Variants in PMS1 observed in about 807,000 individuals in gnomAD.
PMS1 encodes PMS1 homolog 1, mismatch repair system component.
PMS1 carries 79 observed loss-of-function variants against 93.1 expected under a neutral mutation model. The ratio of observed to expected loss-of-function variants is 0.85; its 90% CI spans 0.71 to 1.02. PMS1 has a LOEUF of 1.02. Ranked by LOEUF, PMS1 falls within the 50% of genes least tolerant of loss-of-function variation. The pLI is 0.00. For missense variants in PMS1, 1,064 were observed against 1,085.3 expected (o/e 0.98, Z 0.28); for synonymous variants, 335 against 363.4 (o/e 0.92, Z 0.89).
rs527709363 is a variant in PMS1 at position 189,826,929 on chromosome 2, T to A, written c.582+8749T>A. Among the ~76,000 whole-genome samples the A allele has an allele frequency of 3.3e-5, 5 of 152,314 alleles. 1 individual carries two copies. In the South Asian group the frequency reaches 1.0e-3, roughly 32 times the overall value. On this transcript the variant is annotated intron_variant, in intron 5 of 12. Coordinates refer to ENST00000441310, the MANE Select transcript of PMS1 (RefSeq NM_000534.5). ...CCTCTCTCAGACCTTATTCATAATA[T>A]TTATTAATAAAATTCATTCTTTTGA...
chr2:189,855,156 T>C (rs779326608), intron 9 of PMS1, 28 bp downstream of exon 9: 8 of 1,587,008 alleles, frequency 5.0e-6, no homozygotes, highest in Non-Finnish European at 6.9e-6. Context: ...GCATGTGACT[T>C]GAATGTTCAG....
intron 4 of PMS1, 121 bp downstream of exon 4, chr2:189,805,875 C>T (rs745535080): frequency 6.5e-7 from 1 of 1,546,284 alleles, no homozygotes; most frequent in Non-Finnish European, 8.7e-7. Flanking sequence ...CTGATAAAGG[C>T]TAGTTAACTT....
chr2:189,850,986 G>C (rs60386871), intron 6 of PMS1, among the ~76,000 whole-genome samples: 7,413 of 152,138 alleles, frequency 0.049, 295 homozygotes, highest in African/African-American at 0.099. Flanking sequence ...TGCTTTTTAG[G>C]AAATTGAGGA....
At chr2:189,821,814 CATAA>C (rs888419143) in intron 5 of PMS1, among the ~76,000 whole-genome samples, 1 of 151,964 alleles carries the variant, frequency 6.6e-6, no homozygotes, top group African/African-American at 2.4e-5. Context: ...ATCTCCAAAA[CATAA>C]ATAAATAAAT....
At chr2:189,805,313 G>A (rs2050235293) in intron 3 of PMS1, among the ~76,000 whole-genome samples, 2 of 152,142 alleles carry the variant, frequency 1.3e-5, no homozygotes, top group African/African-American at 4.8e-5. Context: ...CTGTTAAAAA[G>A]CAAGTTCCCT....
In PMS1 at chr2:189,864,117, T is replaced by C. The variant is rs1343082731; in HGVS notation, c.2231T>C (p.Val744Ala). 1.2e-6 allele frequency: 2 copies of C among 1,613,112 alleles called. No homozygotes were observed. The highest frequency in any genetic ancestry group is 1.3e-5 in the African/African-American group (1 of 74,932). Reference sequence around the variant, plus strand: ...TGGCTAATGACATCCAAAACAGAGGTAATGTTATTAAATCCATATAGAGTA... The same window carrying C: ...TGGCTAATGACATCCAAAACAGAGGCAATGTTATTAAATCCATATAGAGTA... The part of the protein sequence containing the change: ...DAWLMTSKTE[V>A]MLLNPYRVEE... Residue 744 changes from valine (V) to alanine (A), a missense_variant, in exon 10 of 13, where the codon GTA (valine) becomes GCA (alanine). Transcript: ENST00000441310.
At chr2:189,870,533 CTT>C (rs1311043261) in intron 11 of PMS1, among the ~76,000 whole-genome samples, 1 of 152,160 alleles carries the variant, frequency 6.6e-6, no homozygotes, top group Non-Finnish European at 1.5e-5. Context: ...ATGTCTCTAA[CTT>C]TTCCATATCT....
intron 5 of PMS1, among the ~76,000 whole-genome samples, chr2:189,836,086 A>C (rs2053361754): frequency 6.6e-6 from 1 of 152,198 alleles, no homozygotes; most frequent in South Asian, 2.1e-4. Flanking sequence ...CAGTTTTAGC[A>C]TTGTACTATT....
In PMS1 at chr2:189,854,936, A is replaced by G; in HGVS notation, c.1664A>G (p.Asn555Ser). ...SCNKKSNVID[N>S]KSGKVTAYDL... ...AACAAAAAATCAAATGTAATAGATA[A>G]TAAATCTGGAAAAGTTACAGCTTAT... The change falls in exon 9 of 13, where the codon AAT (asparagine) becomes AGT (serine). Residue 555 changes from asparagine to serine, a missense_variant. Transcript: ENST00000441310. 6.2e-7 allele frequency: 1 copy of G among 1,609,032 alleles called. No homozygotes were observed. Among genetic ancestry groups the G allele is most frequent in the Non-Finnish European group, 8.5e-7 (1 of 1,175,932 alleles).
intron 5 of PMS1, among the ~76,000 whole-genome samples, chr2:189,827,367 C>T (rs2052523148): frequency 6.6e-6 from 1 of 152,166 alleles, no homozygotes; most frequent in Admixed American, 6.5e-5. Context: ...ATGACATGAT[C>T]TCTAAGGCCC....
chr2:189,859,582 A>G (rs1170726756), intron 9 of PMS1, among the ~76,000 whole-genome samples: 2 of 152,268 alleles, frequency 1.3e-5, no homozygotes, highest in South Asian at 2.1e-4. Context: ...AAAAGGGGTG[A>G]CATAACCGCT....
intron 5 of PMS1, among the ~76,000 whole-genome samples, chr2:189,823,539 A>G (rs2106346055): frequency 6.6e-6 from 1 of 152,172 alleles, no homozygotes; most frequent in African/African-American, 2.4e-5. Flanking sequence ...TTAAACTTGA[A>G]TCTTTTCTTG....
At chr2:189,858,995 C>G (rs1393684236) in intron 9 of PMS1, among the ~76,000 whole-genome samples, 4 of 152,008 alleles carry the variant, frequency 2.6e-5, no homozygotes, top group Non-Finnish European at 4.4e-5. Flanking sequence ...TCTTCACATT[C>G]CATATTTTTC....
intron 12 of PMS1, among the ~76,000 whole-genome samples, chr2:189,873,923 C>A (rs2057353498): frequency 6.6e-6 from 1 of 152,194 alleles, no homozygotes; most frequent in South Asian, 2.1e-4. Context: ...ACTGGAAAAA[C>A]TCTTCCACAA....
intron 4 of PMS1, among the ~76,000 whole-genome samples, chr2:189,811,859 C>T (rs780545740): frequency 7.9e-5 from 12 of 151,946 alleles, no homozygotes; most frequent in East Asian, 1.9e-4. Flanking sequence ...AAAAGTGTGG[C>T]GCTATTTACA....
intron 5 of PMS1, among the ~76,000 whole-genome samples, chr2:189,828,526 A>G (rs1431548222): frequency 6.6e-6 from 1 of 152,242 alleles, no homozygotes; most frequent in Non-Finnish European, 1.5e-5. Flanking sequence ...GTAATAAAGC[A>G]TCTCTCACAA....
At chr2:189,789,725 C>T (rs1378119428) in intron 1 of PMS1, among the ~76,000 whole-genome samples, 1 of 151,970 alleles carries the variant, frequency 6.6e-6, no homozygotes, top group African/African-American at 2.4e-5. Context: ...TTATTTGCAC[C>T]TAGATTGCAT....
At chr2:189,856,252 C>T (rs1156830727) in intron 9 of PMS1, among the ~76,000 whole-genome samples, 2 of 151,682 alleles carry the variant, frequency 1.3e-5, no homozygotes, top group Non-Finnish European at 2.9e-5. Context: ...TACCCCATTT[C>T]ACCACCAATC....
chr2:189,861,400 CT>C (rs11295204), intron 9 of PMS1, among the ~76,000 whole-genome samples: 36,594 of 136,734 alleles, frequency 0.27, 7,097 homozygotes, highest in African/African-American at 0.56. Context: ...TTTTGAAGGA[CT>C]TTTTTTTTTT....
Sources: allele counts gnomAD v4.1 joint callset (sites outside exome capture counted in the v4.1 genomes callset), GRCh38; gene constraint gnomAD v4.1.1; transcripts MANE v1.5; gene names NCBI Gene and HGNC (gene_info 2026-07-23, HGNC 2026-07-21).